PPP1R12B: variants seen among roughly 807,000 people sequenced by gnomAD.
PPP1R12B encodes the protein protein phosphatase 1 regulatory subunit 12B.
A neutral mutation model predicts 126.1 loss-of-function variants in PPP1R12B; 76 were observed. The ratio of observed to expected loss-of-function variants is 0.60; its 90% CI spans 0.50 to 0.73. PPP1R12B has a LOEUF of 0.73. PPP1R12B is among the 30% of genes least tolerant of loss of function. PPP1R12B has a pLI of 0.00. For missense variants in PPP1R12B, 1,052 were observed against 1,205.1 expected (o/e 0.87, Z 1.88); for synonymous variants, 356 against 434.7 (o/e 0.82, Z 2.25).
At chr1:202,435,074 T>C (rs1308408063) in intron 9 of PPP1R12B, among the ~76,000 whole-genome samples, 2 of 152,080 alleles carry the variant, frequency 1.3e-5, no homozygotes, top group Non-Finnish European at 2.9e-5. Context: ...GAGAAGGAGC[T>C]CTGGTGTCTC....
chr1:202,472,862 A>C (rs1676123641), intron 13 of PPP1R12B, among the ~76,000 whole-genome samples: 1 of 152,158 alleles, frequency 6.6e-6, no homozygotes, highest in Admixed American at 6.5e-5. Flanking sequence ...CTGGTGTAGC[A>C]CAGCAAGCAG....
At chr1:202,439,491 T>C in intron 10 of PPP1R12B, 1 of 1,519,430 alleles carries the variant, frequency 6.6e-7, no homozygotes, top group Non-Finnish European at 9.0e-7. Flanking sequence ...GTCCAGCCCA[T>C]GGAAGTGGCT....
At chr1:202,576,995 A>G (rs1689153549) in intron 23 of PPP1R12B, 1 of 152,228 alleles carries the variant, frequency 6.6e-6, no homozygotes, top group South Asian at 2.1e-4. Flanking sequence ...TTTGTTAAGC[A>G]TGTGGCCCAA....
intron 1 of PPP1R12B, among the ~76,000 whole-genome samples, chr1:202,359,091 A>C (rs1354170270): frequency 6.6e-6 from 1 of 152,096 alleles, no homozygotes; most frequent in Non-Finnish European, 1.5e-5. Flanking sequence ...TCATTTATAG[A>C]TCCTCATCTC....
At chr1:202,440,443 A>G (rs112503217) in intron 10 of PPP1R12B, among the ~76,000 whole-genome samples, 91 of 152,298 alleles carry the variant, frequency 6.0e-4, no homozygotes, top group African/African-American at 2.0e-3. Flanking sequence ...GCTGCTTTGC[A>G]TAATTTGTGC....
At chr1:202,431,733 G>A in intron 8 of PPP1R12B, 114 bp downstream of exon 8, 1 of 1,018,560 alleles carries the variant, frequency 9.8e-7, no homozygotes, top group Non-Finnish European at 1.4e-6. Flanking sequence ...TTGAAGTTTA[G>A]TTTTCAAGGA....
At chr1:202,544,668 A>G (rs1382828035) in intron 18 of PPP1R12B, among the ~76,000 whole-genome samples, 5 of 152,222 alleles carry the variant, frequency 3.3e-5, no homozygotes, top group Non-Finnish European at 5.9e-5. Context: ...GCATTTTCCC[A>G]TTTAGTCTGG....
intron 18 of PPP1R12B, among the ~76,000 whole-genome samples, chr1:202,520,698 T>C (rs1009004174): frequency 1.3e-5 from 2 of 152,232 alleles, no homozygotes; most frequent in African/African-American, 4.8e-5. Context: ...ATTGAACTGC[T>C]GTTATTTCAA....
chr1:202,522,860 T>C (rs1011849732), intron 18 of PPP1R12B, among the ~76,000 whole-genome samples: 2 of 152,164 alleles, frequency 1.3e-5, no homozygotes, highest in African/African-American at 4.8e-5. Flanking sequence ...ATGAAGATGA[T>C]ATAAAATGAC....
chr1:202,428,316 A>C (rs552441848), intron 5 of PPP1R12B, among the ~76,000 whole-genome samples: 1 of 152,334 alleles, frequency 6.6e-6, no homozygotes, highest in African/African-American at 2.4e-5. Context: ...CCTTTTAATT[A>C]GTAGATATTC....
chr1:202,486,683 T>A (rs904882492), intron 13 of PPP1R12B, among the ~76,000 whole-genome samples: 1 of 152,204 alleles, frequency 6.6e-6, no homozygotes, highest in Non-Finnish European at 1.5e-5. Flanking sequence ...GGCGTGCACC[T>A]GTAGTCCCAG....
intron 23 of PPP1R12B, among the ~76,000 whole-genome samples, chr1:202,571,780 A>C (rs180947329): frequency 4.9e-4 from 75 of 152,200 alleles, no homozygotes; most frequent in African/African-American, 8.9e-4. Context: ...TTTTAGTTAA[A>C]ACATTCAGAT....
intron 1 of PPP1R12B, among the ~76,000 whole-genome samples, chr1:202,377,847 T>TGTTTTG (rs1661480797): frequency 2.8e-5 from 4 of 140,620 alleles, no homozygotes; most frequent in African/African-American, 1.1e-4. Context: ...TTTTTTTTTT[T>TGTTTTG]TTTTTTTTTT....
intron 10 of PPP1R12B, chr1:202,438,584 T>A (rs774302652): frequency 2.4e-5 from 11 of 465,862 alleles, no homozygotes; most frequent in Non-Finnish European, 4.1e-5. Flanking sequence ...CCTGGGACAT[T>A]GGCCCTAGAG....
At chr1:202,571,507 A>G (rs1688601399) in intron 23 of PPP1R12B, among the ~76,000 whole-genome samples, 1 of 152,114 alleles carries the variant, frequency 6.6e-6, no homozygotes, top group African/African-American at 2.4e-5. Context: ...GCAGTGGCAC[A>G]ATGTCGGCTT....
At chr1:202,519,510 G>C (rs931954295) in intron 18 of PPP1R12B, among the ~76,000 whole-genome samples, 4 of 152,032 alleles carry the variant, frequency 2.6e-5, no homozygotes, top group African/African-American at 9.7e-5. Flanking sequence ...GGCCTCAAGT[G>C]ATCCGCCCAC....
rs768648375 is a variant in PPP1R12B at position 202,437,863 on chromosome 1, G to C, written c.1297G>C (p.Glu433Gln). 10 of 1,613,650 alleles carry C rather than the reference G, an allele frequency of 6.2e-6. No homozygotes were observed. The highest frequency in any genetic ancestry group is 8.5e-6 in the Non-Finnish European group (10 of 1,179,700). ...LFNKPEEPKD[E>Q]SPSSWRLGLR... is the part of the protein sequence containing the mutation. Reference sequence around the variant, plus strand: ...TAACAAGCCAGAAGAGCCCAAAGATGAATCTCCTTCTTCATGGAGATTGGG... The same window carrying C: ...TAACAAGCCAGAAGAGCCCAAAGATCAATCTCCTTCTTCATGGAGATTGGG... The change falls in exon 10 of 24, where the codon GAA (glutamate) becomes CAA (glutamine). Residue 433 changes from glutamate to glutamine, a missense_variant. Glu to Gln is a conservative substitution (Grantham distance 29). Coordinates refer to ENST00000608999, the MANE Select transcript of PPP1R12B (RefSeq NM_002481.4).
Position 202,349,017 on chromosome 1 carries a change from T to A in PPP1R12B, c.166T>A (p.Phe56Ile). The change falls in exon 1 of 24, where the codon TTC becomes ATC. Residue 56 changes from phenylalanine (F) to isoleucine (I), a missense_variant. Physicochemically the swap from Phe to Ile is conservative, Grantham distance 21 (BLOSUM62 0). Transcript: ENST00000608999. ...CAGGCGCGGGAGCCCCAGGGTCCGC[T>A]TCGAGGACGGTGCTGTCTTTCTGGC... Reference protein sequence around the residue: ...LTRRGSPRVRFEDGAVFLAAC... With the variant: ...LTRRGSPRVRIEDGAVFLAAC... The A allele has an allele frequency of 6.2e-7, 1 of 1,611,056 alleles. No individual in the cohort carries two copies. The highest frequency in any genetic ancestry group is 8.5e-7 in the Non-Finnish European group (1 of 1,178,894).
chr1:202,539,004 C>T (rs1684833393), intron 18 of PPP1R12B, among the ~76,000 whole-genome samples: 1 of 152,152 alleles, frequency 6.6e-6, no homozygotes, highest in Non-Finnish European at 1.5e-5. Context: ...CTGTAATGGA[C>T]AGATAACTTT....
Sources: allele counts gnomAD v4.1 joint callset (sites outside exome capture counted in the v4.1 genomes callset), GRCh38; gene constraint gnomAD v4.1.1; transcripts MANE v1.5; gene names NCBI Gene and HGNC (gene_info 2026-07-23, HGNC 2026-07-21).